Variants in ACSM1 observed in about 807,000 individuals in gnomAD.
ACSM1 encodes the protein acyl-CoA synthetase medium chain family member 1, also known as acyl-coenzyme A synthetase ACSM1, mitochondrial.
A neutral mutation model predicts 75.8 loss-of-function variants in ACSM1; 79 were observed. The observed-to-expected ratio is 1.04, with a 90% CI of 0.87 to 1.26. The LOEUF is 1.26. Ranked by LOEUF, ACSM1 falls within the 50% of genes most tolerant of loss-of-function variation. ACSM1 has a pLI of 0.00. For missense variants in ACSM1, 676 were observed against 720.1 expected, an observed-to-expected ratio of 0.94 and a Z score of 0.70; for synonymous variants, 279 against 265.8, an observed-to-expected ratio of 1.05 and a Z score of -0.48.
rs546115547 is a variant in ACSM1 at position 20,636,610 on chromosome 16, G to T, written c.1299+129C>A. On this transcript the variant is annotated intron_variant, in intron 10 of 13. Coordinates refer to ENST00000520010, the MANE Select transcript of ACSM1 (RefSeq NM_001318890.3). ...GATGGGAGAATGCACGGTGAGCTTCGAGTTGAATGAAAACTCATTCATTTC... is the reference window on the plus strand; with the variant it reads ...GATGGGAGAATGCACGGTGAGCTTCTAGTTGAATGAAAACTCATTCATTTC... 4.5e-4 allele frequency: 306 copies of T among 679,278 alleles called. 1 individual carries two copies. The African/African-American group carries it at 5.0e-3, about 11-fold the overall frequency. 42.1% of individuals were successfully genotyped at this position (679,278 alleles called of 1,614,324 possible).
chr16:20,657,967 A>G (rs1397239303), intron 7 of ACSM1, among the ~76,000 whole-genome samples: 1 of 152,156 alleles, frequency 6.6e-6, no homozygotes, highest in Non-Finnish European at 1.5e-5. Flanking sequence ...ATAGTATTCC[A>G]TGGTGTATAT....
At chr16:20,637,225 TC>T (rs2017768823) in intron 9 of ACSM1, 145 bp downstream of exon 9, 2 of 806,174 alleles carry the variant, frequency 2.5e-6, no homozygotes, top group African/African-American at 3.4e-5. Flanking sequence ...AACTGAGGCC[TC>T]CATATGAAAC....
chr16:20,693,611 T>G lies in ACSM1; in HGVS notation c.-51-2372A>C, dbSNP rs367859007. Among the ~76,000 whole-genome samples, 8 of 152,322 alleles carry G rather than the reference T, an allele frequency of 5.3e-5. No homozygotes were observed. The East Asian group carries it at 9.7e-4, about 18-fold the overall frequency. On this transcript the variant is annotated intron_variant, in intron 1 of 13. Transcript: ENST00000520010. ...AGTAATGGCCAGTGATGCTGGGTCT[T>G]TATTTCAACTTGTTGTCAAGTGGCT... is the stretch of plus-strand genomic sequence containing the variant.
At chr16:20,694,958 C>T (rs1188263605) in intron 1 of ACSM1, among the ~76,000 whole-genome samples, 3 of 152,124 alleles carry the variant, frequency 2.0e-5, no homozygotes, top group African/African-American at 7.2e-5. Context: ...GATCTTGGAC[C>T]TCCAGCCTTC....
intron 7 of ACSM1, among the ~76,000 whole-genome samples, chr16:20,652,153 C>G (rs1408151252): frequency 6.6e-6 from 1 of 152,142 alleles, no homozygotes; most frequent in East Asian, 1.9e-4. Flanking sequence ...AAAATATTGG[C>G]TATCAATTTT....
At chr16:20,687,094 T>A (rs1012480963) in intron 2 of ACSM1, among the ~76,000 whole-genome samples, 1 of 148,906 alleles carries the variant, frequency 6.7e-6, no homozygotes, top group African/African-American at 2.5e-5. Context: ...AGGAAAGGAG[T>A]GAAACTTGTT....
chr16:20,693,581 G>T (rs2079674481), intron 1 of ACSM1, among the ~76,000 whole-genome samples: 2 of 152,170 alleles, frequency 1.3e-5, no homozygotes, highest in Non-Finnish European at 2.9e-5. Context: ...ATAGACAATA[G>T]AACTAGTAAT....
rs2079542330 is a variant in ACSM1 at position 20,685,835 on chromosome 16, A to C, written c.193-432T>G. Among the ~76,000 whole-genome samples the C allele has an allele frequency of 2.2e-5, 2 of 89,418 alleles. 1 individual carries two copies. Among genetic ancestry groups the C allele is most frequent in the South Asian group, 8.2e-4 (2 of 2,436 alleles). The allele number at this position is 89,418 out of a possible 152,430, so 58.7% of individuals were successfully genotyped here. ...ACTCCGTCTCAAAAAAAAAAAACAA[A>C]CAAAAAAAAAACAAAAAACTTATAG... On this transcript the variant is annotated intron_variant, in intron 2 of 13. Coordinates refer to ENST00000520010, the MANE Select transcript of ACSM1 (RefSeq NM_001318890.3).
At chr16:20,697,012 G>A (rs1298489261) in intron 1 of ACSM1, among the ~76,000 whole-genome samples, 1 of 152,130 alleles carries the variant, frequency 6.6e-6, no homozygotes, top group Non-Finnish European at 1.5e-5. Flanking sequence ...TGAAGTGCAC[G>A]GTAAGGACTC....
intron 9 of ACSM1, 98 bp from the exon 10 acceptor site, chr16:20,636,938 A>G (rs2017753543): frequency 2.4e-6 from 2 of 820,734 alleles, no homozygotes; most frequent in Non-Finnish European, 4.1e-6. Context: ...ACCAGTGTGG[A>G]TGAAATAACA....
intron 10 of ACSM1, among the ~76,000 whole-genome samples, chr16:20,634,598 G>A (rs2017544063): frequency 6.6e-6 from 1 of 152,132 alleles, no homozygotes; most frequent in South Asian, 2.1e-4. Flanking sequence ...AAACGCAAAA[G>A]GGCAAATGTT....
chr16:20,630,077 C>T (rs2017247064), intron 10 of ACSM1, among the ~76,000 whole-genome samples: 1 of 148,502 alleles, frequency 6.7e-6, no homozygotes, highest in Non-Finnish European at 1.5e-5. Context: ...CAAAAGAGAG[C>T]TTGGGTTGTG....
At chr16:20,628,962 C>T (rs1055136660) in intron 10 of ACSM1, among the ~76,000 whole-genome samples, 6 of 151,954 alleles carry the variant, frequency 3.9e-5, no homozygotes, top group African/African-American at 1.5e-4. Flanking sequence ...TAAGAGCTAC[C>T]CGAAAAAAAC....
intron 7 of ACSM1, among the ~76,000 whole-genome samples, chr16:20,645,139 C>T (rs2018289231): frequency 6.6e-6 from 1 of 152,188 alleles, no homozygotes; most frequent in South Asian, 2.1e-4. Context: ...TAAAGGACCA[C>T]TAGAATCCAG....
At chr16:20,685,574 T>C (rs1038760643) in intron 2 of ACSM1, among the ~76,000 whole-genome samples, 171 bp from the exon 3 acceptor site, 12 of 151,982 alleles carry the variant, frequency 7.9e-5, no homozygotes, top group African/African-American at 2.9e-4. Context: ...GTAATTCCAG[T>C]ACTTTAGGAG....
intron 7 of ACSM1, among the ~76,000 whole-genome samples, chr16:20,642,401 G>A (rs2018115879): frequency 6.6e-6 from 1 of 152,212 alleles, no homozygotes; most frequent in Non-Finnish European, 1.5e-5. Flanking sequence ...TGGGTGAGAA[G>A]ATGAATTAGC....
At chr16:20,661,740 C>G in intron 7 of ACSM1, 54 bp downstream of exon 7, 2 of 1,301,568 alleles carry the variant, frequency 1.5e-6, no homozygotes, top group South Asian at 2.4e-5. Context: ...CATGATGTAT[C>G]AGATTCCTTA....
intron 10 of ACSM1, among the ~76,000 whole-genome samples, chr16:20,635,914 C>T (rs1008789067): frequency 2.0e-5 from 3 of 152,102 alleles, no homozygotes; most frequent in Non-Finnish European, 2.9e-5. Flanking sequence ...GCTGGGATTA[C>T]AAGTGTGAGC....
intron 2 of ACSM1, among the ~76,000 whole-genome samples, chr16:20,686,363 C>A (rs957689818): frequency 1.3e-5 from 2 of 151,956 alleles, no homozygotes; most frequent in Non-Finnish European, 2.9e-5. Flanking sequence ...GTCTAGAAAC[C>A]AGCCAAGGAT....
Sources: allele counts gnomAD v4.1 joint callset (sites outside exome capture counted in the v4.1 genomes callset), GRCh38; gene constraint gnomAD v4.1.1; transcripts MANE v1.5; gene names NCBI Gene and HGNC (gene_info 2026-07-23, HGNC 2026-07-21).